BIRC6: variants seen among roughly 807,000 people sequenced by gnomAD.
BIRC6 encodes baculoviral IAP repeat containing 6.
Under a neutral mutation model 503.3 loss-of-function variants are expected in BIRC6, and 98 were observed. That is an observed-to-expected ratio of 0.19 (90% CI 0.17 to 0.23). The LOEUF (loss-of-function observed/expected upper bound fraction) is 0.23. Among genes scored for constraint, BIRC6 ranks in the 10% least tolerant of loss-of-function variants. The probability of loss-of-function intolerance (pLI) is 1.00; values close to 1 mark genes in which losing one functional copy is unlikely to be tolerated. For synonymous variants in BIRC6, 2,240 were observed against 2,078.7 expected, an observed-to-expected ratio of 1.08 and a Z score of -2.11; for missense variants, 5,360 against 5,806.0, an observed-to-expected ratio of 0.92 and a Z score of 2.50.
chr2:32,387,321 T>A lies in BIRC6; in HGVS notation c.646-1429T>A, dbSNP rs1449024478. 4.0e-5 allele frequency among the ~76,000 whole-genome samples: 6 copies of A among 148,240 alleles called. No homozygotes were observed. The East Asian group carries it at 9.7e-4, about 24-fold the overall frequency. On this transcript the variant is annotated intron_variant, in intron 3 of 73. Transcript: ENST00000421745. ...TCCCTCTTTTTTTTTTTTTTTTTTT[T>A]AGCAATTCAAGTCATGTTTTTGTCT...
chr2:32,377,249 G>GTA (rs58641821), intron 1 of BIRC6, among the ~76,000 whole-genome samples: 1 of 148,520 alleles, frequency 6.7e-6, no homozygotes, highest in Non-Finnish European at 1.5e-5. Context: ...GTGTGTGTGT[G>GTA]TATACACATC....
chr2:32,523,560 G>A (rs576315143), intron 57 of BIRC6: 1 of 152,130 alleles, frequency 6.6e-6, no homozygotes, highest in East Asian at 1.9e-4. Flanking sequence ...CATTTGTTAT[G>A]TGTATAAAAT....
chr2:32,518,530 G>A (rs1225207108), intron 56 of BIRC6, 133 bp downstream of exon 56: 4 of 935,322 alleles, frequency 4.3e-6, no homozygotes, highest in Non-Finnish European at 6.2e-6. Context: ...TATACCTAAT[G>A]ACAGAACTTG....
Position 32,575,365 on chromosome 2 carries a change from A to C in BIRC6, c.13354A>C (p.Arg4452=), listed in dbSNP as rs902799116. 1 of 1,612,466 alleles carries C rather than the reference A, an allele frequency of 6.2e-7. No homozygotes were observed. Among genetic ancestry groups the C allele is most frequent in the African/African-American group, 1.3e-5 (1 of 74,910 alleles). The change falls in exon 66 of 74, where the codon AGA becomes CGA. Residue 4452 remains arginine, a splice_region_variant and synonymous_variant. Coordinates refer to ENST00000421745, the MANE Select transcript of BIRC6 (RefSeq NM_016252.4). ...TGTTGATACCTATACCAACCGTTTA[A>C]GGTACTATATACAATGTTCATTTCT... ...TCVDTYTNRL[R]SKRENVKTGV...
At chr2:32,510,162 G>C (rs1261371317) in intron 52 of BIRC6, among the ~76,000 whole-genome samples, 168 bp downstream of exon 52, 1 of 152,166 alleles carries the variant, frequency 6.6e-6, no homozygotes, top group African/African-American at 2.4e-5. Flanking sequence ...CCAGGCTGGA[G>C]TGCAGTGGCG....
At position 32,470,168 on chromosome 2, in the gene BIRC6, G is replaced by T; in HGVS notation, c.6348G>T (p.Arg2116Ser). The T allele has an allele frequency of 5.9e-6, 9 of 1,512,798 alleles. No individual in the cohort carries two copies. The highest frequency in any genetic ancestry group is 2.6e-5 in the South Asian group (2 of 75,878). The allele number at this position is 1,512,798 out of a possible 1,614,324, so 93.7% of individuals were successfully genotyped here. A position where few individuals can be genotyped will look rare whatever the true frequency, so the allele number is the denominator to read the frequency against. The change falls in exon 31 of 74, where the codon AGG (arginine) becomes AGT (serine). Residue 2116 changes from arginine (R) to serine (S), a missense_variant and splice_region_variant. Arg to Ser is a moderately radical substitution (Grantham distance 110). Coordinates refer to ENST00000421745, the MANE Select transcript of BIRC6 (RefSeq NM_016252.4). ...SEQLLIFPQD[R>S]VFMLLSCIGQ... ...TCTTTTTTGTTTGTTTTGTTTTTAGGGTCTTCATGTTACTTTCCTGCATTG... is the reference window on the plus strand; with the variant it reads ...TCTTTTTTGTTTGTTTTGTTTTTAGTGTCTTCATGTTACTTTCCTGCATTG...
At chr2:32,544,033 G>A (rs987781626) in intron 62 of BIRC6, among the ~76,000 whole-genome samples, 10 of 152,228 alleles carry the variant, frequency 6.6e-5, no homozygotes, top group African/African-American at 2.2e-4. Flanking sequence ...GTTGGGATGA[G>A]TTATCTCAGA....
At chr2:32,474,567 CTG>C (rs1572481694) in intron 33 of BIRC6, among the ~76,000 whole-genome samples, 1 of 152,128 alleles carries the variant, frequency 6.6e-6, no homozygotes, top group Non-Finnish European at 1.5e-5. Flanking sequence ...ATGGTTGTAA[CTG>C]TGATTTGTAG....
chr2:32,612,938 C>T (rs1289291742), intron 73 of BIRC6, among the ~76,000 whole-genome samples: 1 of 152,144 alleles, frequency 6.6e-6, no homozygotes, highest in Non-Finnish European at 1.5e-5. Flanking sequence ...ACACTTCTTG[C>T]CTCCATTTTT....
At chr2:32,478,852 A>G (rs2050058450) in intron 36 of BIRC6, 34 bp downstream of exon 36, 1 of 1,593,964 alleles carries the variant, frequency 6.3e-7, no homozygotes, top group Non-Finnish European at 8.6e-7. Context: ...GAGTATGTCA[A>G]AATTACCTTG....
At chr2:32,476,062 T>C (rs1034179170) in intron 33 of BIRC6, 151 bp from the exon 34 acceptor site, 1 of 563,078 alleles carries the variant, frequency 1.8e-6, no homozygotes, top group Non-Finnish European at 2.9e-6. Flanking sequence ...GAAATGATTT[T>C]TTAAAAAATT....
At chr2:32,489,803 T>C (rs1341114365) in intron 42 of BIRC6, among the ~76,000 whole-genome samples, 1 of 152,222 alleles carries the variant, frequency 6.6e-6, no homozygotes, top group African/African-American at 2.4e-5. Context: ...CTGAGAGTGA[T>C]AACATGTCAT....
intron 66 of BIRC6, among the ~76,000 whole-genome samples, chr2:32,581,191 A>T (rs1025995361): frequency 6.6e-6 from 1 of 152,150 alleles, no homozygotes; most frequent in Non-Finnish European, 1.5e-5. Flanking sequence ...ATACATGTTC[A>T]TGTCTTCCTG....
rs1184851515 is a variant in BIRC6, at chr2:32,515,671, A to G, written c.11250A>G (p.Gly3750=). The G allele has an allele frequency of 1.2e-6, 2 of 1,608,260 alleles. No homozygotes were observed. Among genetic ancestry groups the G allele is most frequent in the Non-Finnish European group, 8.5e-7 (1 of 1,179,856 alleles). Residue 3750 remains glycine (G), a synonymous_variant, in exon 55 of 74, where the codon GGA becomes GGG. Coordinates refer to ENST00000421745, the MANE Select transcript of BIRC6 (RefSeq NM_016252.4). ...SASLSSAATT[G]LTTQQRTAIE... is the part of the protein sequence containing the mutation. The stretch of plus-strand genomic sequence containing the variant: ...CTCTTTCTTCAGCTGCTACAACAGG[A>G]CTGACTACTCAACAGCGCACAGCAA...
chr2:32,568,528 A>T (rs1573067699), intron 65 of BIRC6, among the ~76,000 whole-genome samples: 1 of 150,390 alleles, frequency 6.6e-6, no homozygotes, highest in Non-Finnish European at 1.5e-5. Context: ...TATAAATATT[A>T]ATGTAAAGTT....
intron 19 of BIRC6, 46 bp from the exon 20 acceptor site, chr2:32,443,445 A>C: frequency 7.4e-7 from 1 of 1,343,950 alleles, no homozygotes; most frequent in South Asian, 1.3e-5. Context: ...TTGAATTTAG[A>C]CCTTGAGTAA....
At chr2:32,460,175 TA>T (rs1047966748) in intron 23 of BIRC6, among the ~76,000 whole-genome samples, 1 of 142,432 alleles carries the variant, frequency 7.0e-6, no homozygotes, top group African/African-American at 2.6e-5. Flanking sequence ...CTGATATAGA[TA>T]TATATATCTC....
Position 32,357,763 on chromosome 2 carries a change from G to A in BIRC6, c.325+277G>A, listed in dbSNP as rs984776087. 6.6e-6 allele frequency among the ~76,000 whole-genome samples: 1 copy of A among 152,160 alleles called. No homozygotes were observed. The highest frequency in any genetic ancestry group is 2.4e-5 in the African/African-American group (1 of 41,436). On this transcript the variant is annotated intron_variant, in intron 1 of 73. Transcript: ENST00000421745. The surrounding 1 kb of genome is among the most constrained non-coding windows in gnomAD (Gnocchi z 4.9). ...CGTCCGGTCTGGCTTGGTCCTCCGC[G>A]AGAGGTGAGGAGACCTTGGAGCTTG...
intron 44 of BIRC6, among the ~76,000 whole-genome samples, chr2:32,491,867 GAATC>G (rs1410750939): frequency 6.6e-6 from 1 of 151,864 alleles, no homozygotes; most frequent in African/African-American, 2.4e-5. Context: ...AAAAATTTTG[GAATC>G]AATAAATTTT....
Sources: gnomAD v4.1 joint callset for allele counts (sites outside exome capture counted in the v4.1 genomes callset) on GRCh38, gnomAD v4.1.1 for gene constraint, Gnocchi (gnomAD v3.1) non-coding constraint, MANE v1.5 for transcripts, NCBI Gene and HGNC (gene_info 2026-07-23, HGNC 2026-07-21) for gene names.